The following ARHGEF4 variants were observed in gnomAD, a reference collection of about 807,000 sequenced individuals.
ARHGEF4 encodes the protein APC-stimulated guanine nucleotide exchange factor 1.
Under a neutral mutation model 162.0 loss-of-function variants are expected in ARHGEF4, and 119 were observed. That is an observed-to-expected ratio of 0.73 (90% CI 0.63 to 0.86). ARHGEF4 has a LOEUF of 0.86. ARHGEF4 is among the 40% of genes least tolerant of loss of function. The pLI, the probability that ARHGEF4 is intolerant of heterozygous loss-of-function variation, is 0.00. For missense variants in ARHGEF4, 2,488 were observed against 2,456.0 expected (o/e 1.01, Z -0.28); for synonymous variants, 1,014 against 979.9 (o/e 1.03, Z -0.65).
chr2:130,910,902 C>T (rs1294081440), intron 1 of ARHGEF4, among the ~76,000 whole-genome samples: 1 of 152,126 alleles, frequency 6.6e-6, no homozygotes, highest in Non-Finnish European at 1.5e-5. Flanking sequence ...ATTAGGATTG[C>T]CAAGATAATG....
intron 10 of ARHGEF4, 140 bp from the exon 11 acceptor site, chr2:131,043,312 C>A: frequency 8.8e-7 from 1 of 1,135,076 alleles, no homozygotes; most frequent in East Asian, 2.5e-5. Context: ...ACCTCTTCCT[C>A]CCCCTCCCAC....
chr2:130,965,244 T>C lies in ARHGEF4; in HGVS notation c.3985+18609T>C, dbSNP rs991810879. Among the ~76,000 whole-genome samples the C allele has an allele frequency of 2.0e-5, 3 of 152,316 alleles. No homozygotes were observed. The East Asian group carries it at 5.8e-4, about 29-fold the overall frequency. On this transcript the variant is annotated intron_variant, in intron 4 of 13. Coordinates refer to ENST00000409359, the MANE Select transcript of ARHGEF4 (RefSeq NM_001367493.1). ...GAGCACAGGCCTTGTTGGGCAGATA[T>C]AGAGCAAGGTCGGCTCTGGCTGGGT... is the stretch of plus-strand genomic sequence containing the variant.
chr2:130,922,940 A>ATATATATT (rs965025772), intron 2 of ARHGEF4, among the ~76,000 whole-genome samples: 1 of 149,252 alleles, frequency 6.7e-6, no homozygotes, highest in East Asian at 2.0e-4. Context: ...ATATATATAT[A>ATATATATT]TTTTGTTTGA....
chr2:130,994,480 A>G (rs1377241918), intron 4 of ARHGEF4, among the ~76,000 whole-genome samples: 3 of 152,224 alleles, frequency 2.0e-5, no homozygotes, highest in Non-Finnish European at 4.4e-5. Context: ...TTCCCAGACC[A>G]TGCATTTACC....
chr2:130,951,357 A>G (rs1331531823), intron 4 of ARHGEF4, among the ~76,000 whole-genome samples: 1 of 152,226 alleles, frequency 6.6e-6, no homozygotes, highest in Non-Finnish European at 1.5e-5. Context: ...ATTTAAAGTT[A>G]GAGATATGTG....
intron 4 of ARHGEF4, among the ~76,000 whole-genome samples, chr2:130,991,358 G>A (rs1573545012): frequency 6.6e-6 from 1 of 152,222 alleles, no homozygotes; most frequent in African/African-American, 2.4e-5. Flanking sequence ...ACTTGAGGAG[G>A]CCTTCAGCCC....
At chr2:130,855,391 A>G (rs1424041200) in intron 1 of ARHGEF4, among the ~76,000 whole-genome samples, 1 of 152,156 alleles carries the variant, frequency 6.6e-6, no homozygotes, top group African/African-American at 2.4e-5. Context: ...GTTATGGTTT[A>G]TTACAGTGAA....
chr2:130,994,688 G>C (rs1687267036), intron 4 of ARHGEF4, among the ~76,000 whole-genome samples: 1 of 152,120 alleles, frequency 6.6e-6, no homozygotes, highest in Non-Finnish European at 1.5e-5. Context: ...TTTTCTGCCA[G>C]GATAAAGAAA....
At chr2:130,931,791 A>G (rs1373515035) in intron 3 of ARHGEF4, among the ~76,000 whole-genome samples, 1 of 152,208 alleles carries the variant, frequency 6.6e-6, no homozygotes, top group Non-Finnish European at 1.5e-5. Context: ...CATGCCATTT[A>G]CCCAATCTCT....
At chr2:131,010,408 A>T (rs141628174) in intron 4 of ARHGEF4, among the ~76,000 whole-genome samples, 377 of 152,364 alleles carry the variant, frequency 2.5e-3, no homozygotes, top group African/African-American at 8.6e-3. Context: ...CCCAGTAGGT[A>T]TAATTATCTG....
intron 1 of ARHGEF4, among the ~76,000 whole-genome samples, chr2:130,880,566 G>A (rs894443245): frequency 5.3e-5 from 8 of 152,234 alleles, no homozygotes; most frequent in East Asian, 1.9e-4. Flanking sequence ...AAAGGGCTTC[G>A]GTCCGTCACA....
chr2:130,892,392 GA>G (rs1679906407), intron 1 of ARHGEF4, among the ~76,000 whole-genome samples: 1 of 152,180 alleles, frequency 6.6e-6, no homozygotes, highest in Non-Finnish European at 1.5e-5. Context: ...ACAAGTTAAA[GA>G]GCCCATCCCA....
At chr2:130,972,702 G>A (rs1031370888) in intron 4 of ARHGEF4, among the ~76,000 whole-genome samples, 1 of 151,850 alleles carries the variant, frequency 6.6e-6, no homozygotes, top group Non-Finnish European at 1.5e-5. Context: ...AACTATCAGC[G>A]AAAGACTTAA....
chr2:130,936,989 C>G (rs1477337635), intron 3 of ARHGEF4, among the ~76,000 whole-genome samples: 1 of 148,644 alleles, frequency 6.7e-6, no homozygotes, highest in Non-Finnish European at 1.5e-5. Flanking sequence ...CTCACCGCAA[C>G]CACCACCTCC....
At chr2:130,996,219 T>C (rs1687381488) in intron 4 of ARHGEF4, among the ~76,000 whole-genome samples, 1 of 152,150 alleles carries the variant, frequency 6.6e-6, no homozygotes, top group Non-Finnish European at 1.5e-5. Flanking sequence ...TTCTGTTTCA[T>C]CAGGAATGGG....
At chr2:130,983,995 A>G (rs1213400920) in intron 4 of ARHGEF4, among the ~76,000 whole-genome samples, 2 of 152,192 alleles carry the variant, frequency 1.3e-5, no homozygotes, top group Non-Finnish European at 1.5e-5. Context: ...ACAACATATA[A>G]CAATAAGTGT....
intron 4 of ARHGEF4, among the ~76,000 whole-genome samples, chr2:131,025,833 G>A (rs1689446130): frequency 6.6e-6 from 1 of 152,164 alleles, no homozygotes; most frequent in Admixed American, 6.5e-5. Context: ...TCACAGACGA[G>A]AAAATGTCTG....
Position 130,915,535 on chromosome 2 carries a change from G to A in ARHGEF4, c.1589G>A (p.Ser530Asn), listed in dbSNP as rs753980352. ...GCCAAGTTCCCACGGCAGCCTAGCA[G>A]TGAGGGGACCCAGGTGTGGAGTGGA... ...TRAKFPRQPS[S>N]EGTQVWSGDL... The change falls in exon 2 of 14, where the codon AGT (serine) becomes AAT (asparagine). Residue 530 changes from serine to asparagine, a missense_variant. By Grantham distance (46) the Ser-to-Asn change is conservative. Coordinates refer to ENST00000409359, the MANE Select transcript of ARHGEF4 (RefSeq NM_001367493.1). 1.3e-6 allele frequency: 2 copies of A among 1,550,488 alleles called. No homozygotes were observed. The highest frequency in any genetic ancestry group is 1.7e-6 in the Non-Finnish European group (2 of 1,147,014).
intron 2 of ARHGEF4, among the ~76,000 whole-genome samples, chr2:130,922,462 C>G (rs2105076076): frequency 6.6e-6 from 1 of 151,632 alleles, no homozygotes. Context: ...CTCCAGAGAA[C>G]AAAAGAGAGG....
Sources: gnomAD v4.1 joint callset for allele counts (sites outside exome capture counted in the v4.1 genomes callset) on GRCh38, gnomAD v4.1.1 for gene constraint, MANE v1.5 for transcripts, NCBI Gene and HGNC (gene_info 2026-07-23, HGNC 2026-07-21) for gene names.